Variants in MYO7A observed in about 807,000 individuals in gnomAD.
The protein encoded by MYO7A is myosin VIIA, also known as unconventional myosin-VIIa.
In MYO7A, 210 loss-of-function variants were observed where a neutral mutation model predicts 263.8. The ratio of observed to expected loss-of-function variants is 0.80; its 90% CI spans 0.71 to 0.89. MYO7A has a LOEUF of 0.89. Among genes scored for constraint, MYO7A ranks in the 40% least tolerant of loss-of-function variants. The pLI, the probability that MYO7A is intolerant of heterozygous loss-of-function variation, is 0.00. For missense variants in MYO7A, 2,820 were observed against 2,968.3 expected (o/e 0.95, Z 1.16); for synonymous variants, 1,239 against 1,197.3 (o/e 1.03, Z -0.72).
intron 3 of MYO7A, among the ~76,000 whole-genome samples, chr11:77,146,180 G>A (rs955000604): frequency 2.0e-5 from 3 of 152,214 alleles, no homozygotes; most frequent in Non-Finnish European, 2.9e-5. Flanking sequence ...ACAGTGGAGC[G>A]AAGTCACAGA....
chr11:77,150,229 G>A (rs1185829994), intron 4 of MYO7A, among the ~76,000 whole-genome samples: 7 of 152,242 alleles, frequency 4.6e-5, no homozygotes, highest in African/African-American at 1.7e-4. Flanking sequence ...GCCCCCTGCA[G>A]ACCAGTGTCT....
intron 3 of MYO7A, among the ~76,000 whole-genome samples, chr11:77,147,155 A>T (rs1436785259): frequency 6.6e-6 from 1 of 152,036 alleles, no homozygotes; most frequent in Non-Finnish European, 1.5e-5. Context: ...CTTTCCCCTG[A>T]ACCTGCCAAG....
intron 8 of MYO7A, 64 bp downstream of exon 8, chr11:77,157,456 C>A: frequency 8.7e-7 from 1 of 1,149,656 alleles, no homozygotes. Context: ...GAGCTGGCTA[C>A]TGCAGACTCA....
At chr11:77,195,275 CCCTGCGCCAG>C (rs1956557211) in intron 32 of MYO7A, among the ~76,000 whole-genome samples, 1 of 152,102 alleles carries the variant, frequency 6.6e-6, no homozygotes, top group Admixed American at 6.5e-5. Context: ...CCTGAGTGCT[CCCTGCGCCAG>C]CCTGCTTCCC....
chr11:77,192,290 G>A lies in MYO7A; in HGVS notation c.4152+12G>A. The stretch of plus-strand genomic sequence containing the variant: ...ACAGGTGTGAGAAGGTGAGTGGGAG[G>A]GAATCTTCCGCCAGGCTGGCTTGGC... On this transcript the variant is annotated intron_variant, in intron 31 of 48. Coordinates refer to ENST00000409709, the MANE Select transcript of MYO7A (RefSeq NM_000260.4). 1 of 1,611,274 alleles carries A rather than the reference G, an allele frequency of 6.2e-7. No homozygotes were observed. Among genetic ancestry groups the A allele is most frequent in the East Asian group, 2.2e-5 (1 of 44,840 alleles).
Position 77,208,528 on chromosome 11 carries a change from C to A in MYO7A, c.5944+11C>A. The A allele has an allele frequency of 6.2e-7, 1 of 1,609,294 alleles. No homozygotes were observed. The highest frequency in any genetic ancestry group is 8.5e-7 in the Non-Finnish European group (1 of 1,177,290). ...GGCCCATCAAGGACGGTAATGAGGC[C>A]GGGTCCTGGGATCATCTGAGGCCCA... is the stretch of plus-strand genomic sequence containing the variant. On this transcript the variant is annotated intron_variant, in intron 43 of 48. Transcript: ENST00000409709.
At chr11:77,193,796 G>C (rs1476999131) in intron 31 of MYO7A, among the ~76,000 whole-genome samples, 1 of 152,196 alleles carries the variant, frequency 6.6e-6, no homozygotes, top group Non-Finnish European at 1.5e-5. Context: ...GCCAGGCAGA[G>C]AAGGGGCAAA....
chr11:77,190,958 C>A, intron 30 of MYO7A, 88 bp downstream of exon 30: 2 of 1,379,692 alleles, frequency 1.4e-6, no homozygotes, highest in Non-Finnish European at 9.8e-7. Flanking sequence ...CTTGCCGGGG[C>A]TATTCACCCT....
At chr11:77,198,671 G>T in intron 34 of MYO7A, 50 bp downstream of exon 34, 1 of 1,609,478 alleles carries the variant, frequency 6.2e-7, no homozygotes. Context: ...AAGGAGAGGG[G>T]CTGGAGCTTC....
Position 77,212,957 on chromosome 11 carries a change from T to A in MYO7A, c.6360T>A (p.Thr2120=), listed in dbSNP as rs781141265. The A allele has an allele frequency of 1.3e-6, 2 of 1,592,640 alleles. No individual in the cohort carries two copies. Among genetic ancestry groups the A allele is most frequent in the Non-Finnish European group, 1.7e-6 (2 of 1,169,012 alleles). ...CTTCTCATCTTTTTTTCTAGCAAAC[T>A]ACGGAGCCAAACTTCCCTGAGATCC... The part of the protein sequence containing the change: ...FGSAFFEVKQ[T]TEPNFPEILL... Residue 2120 remains threonine (T), a synonymous_variant, in exon 47 of 49, where the codon ACT becomes ACA. Transcript: ENST00000409709.
rs780220220 is a variant in MYO7A at position 77,213,998 on chromosome 11, G to C, written c.6558+19G>C. The C allele has an allele frequency of 6.2e-6, 10 of 1,613,238 alleles. No individual in the cohort carries two copies. Among genetic ancestry groups the C allele is most frequent in the Non-Finnish European group, 7.6e-6 (9 of 1,179,374 alleles). On this transcript the variant is annotated intron_variant, in intron 48 of 48. Transcript: ENST00000409709. ...GTCACTGGTGAGGGCGCATCCTGCT[G>C]GGCCTAGTGGGCTCCCTGCCTTGCC...
rs1475288967 is a variant in MYO7A at position 77,193,082 on chromosome 11, GTTT to G, written c.4152+805_4152+807del. Among the ~76,000 whole-genome samples the G allele has an allele frequency of 2.0e-4, 9 of 44,294 alleles. 2 individuals carry two copies. Among genetic ancestry groups the G allele is most frequent in the Non-Finnish European group, 4.3e-4 (9 of 20,722 alleles). 29.1% of individuals were successfully genotyped at this position (44,294 alleles called of 152,430 possible). Reference sequence around the variant, plus strand: ...GGTGTTGGTGATGGTGGAGGTAGTTGTTTGTGATGGTGGAGGTAGTGATGCTGT... The same window carrying G: ...GGTGTTGGTGATGGTGGAGGTAGTTGGTGATGGTGGAGGTAGTGATGCTGT... On this transcript the variant is annotated intron_variant, in intron 31 of 48. Transcript: ENST00000409709.
Position 77,214,868 on chromosome 11 carries a change from A to G in MYO7A, c.*172A>G, listed in dbSNP as rs1311657300. On this transcript the variant is annotated 3_prime_UTR_variant, in exon 49 of 49. Transcript: ENST00000409709. ...GCCTCTGATGTTCTTCCAGTGAGGC[A>G]TCTCTCTGGGATGCAGAACTTCCCT... is the stretch of plus-strand genomic sequence containing the variant. The G allele has an allele frequency of 1.7e-6, 1 of 591,320 alleles. No individual in the cohort carries two copies. The highest frequency in any genetic ancestry group is 2.8e-5 in the East Asian group (1 of 35,290). The allele number at this position is 591,320 out of a possible 1,614,324, so 36.6% of individuals were successfully genotyped here.
rs782579798 is a variant in MYO7A, at chr11:77,156,672, G to C, written c.483G>C (p.Gly161=). ...CCTCCCTCTGCAGTGGGGAATCTGGGGCCGGGAAGACGGAGAGCACAAAGC... is the reference window on the plus strand; with the variant it reads ...CCTCCCTCTGCAGTGGGGAATCTGGCGCCGGGAAGACGGAGAGCACAAAGC... The part of the protein sequence containing the change: ...DQCCIISGES[G]AGKTESTKLI... The change falls in exon 6 of 49, where the codon GGG becomes GGC. Residue 161 remains glycine, a synonymous_variant. Transcript: ENST00000409709. The C allele has an allele frequency of 1.2e-6, 2 of 1,613,920 alleles. No individual in the cohort carries two copies. The highest frequency in any genetic ancestry group is 3.3e-5 in the Admixed American group (2 of 60,026).
chr11:77,203,880 G>C (rs1229348176), intron 38 of MYO7A, among the ~76,000 whole-genome samples, 196 bp from the exon 39 acceptor site: 2 of 152,192 alleles, frequency 1.3e-5, no homozygotes, highest in Non-Finnish European at 2.9e-5. Context: ...GCTGCTGTGA[G>C]GGCTTGGGAT....
At chr11:77,175,242 C>T in intron 17 of MYO7A, 130 bp from the exon 18 acceptor site, 1 of 823,818 alleles carries the variant, frequency 1.2e-6, no homozygotes, top group East Asian at 2.5e-5. Context: ...AGGCAGGACC[C>T]AGCTGAGGTC....
At position 77,182,133 on chromosome 11, in the gene MYO7A, T is replaced by C. The variant is rs782555152; in HGVS notation, c.3087T>C (p.His1029=). The C allele has an allele frequency of 5.6e-6, 9 of 1,613,316 alleles. No homozygotes were observed. Among genetic ancestry groups the C allele is most frequent in the Admixed American group, 1.7e-5 (1 of 60,022 alleles). The change falls in exon 24 of 49, where the codon CAT becomes CAC. Residue 1029 remains histidine (H), a synonymous_variant. Coordinates refer to ENST00000409709, the MANE Select transcript of MYO7A (RefSeq NM_000260.4). Reference sequence around the variant, plus strand: ...CACTCAAACAGCCACTGCTCTACCATGACGACGAGGGTGACCAGCTGGTAA... The same window carrying C: ...CACTCAAACAGCCACTGCTCTACCACGACGACGAGGGTGACCAGCTGGTAA... ...RRPLKQPLLY[H]DDEGDQLAAL...
intron 18 of MYO7A, among the ~76,000 whole-genome samples, chr11:77,176,460 A>G (rs2135439343): frequency 6.6e-6 from 1 of 152,336 alleles, no homozygotes; most frequent in East Asian, 1.9e-4. Flanking sequence ...TCACAGGCTC[A>G]GAGAGAAGTG....
intron 46 of MYO7A, chr11:77,212,479 A>T (rs1957952891): frequency 5.7e-6 from 2 of 350,390 alleles, no homozygotes; most frequent in Non-Finnish European, 5.6e-6. Context: ...CCTGCCTTGG[A>T]GGGTTTTGAA....
Sources: allele counts gnomAD v4.1 joint callset (sites outside exome capture counted in the v4.1 genomes callset), GRCh38; gene constraint gnomAD v4.1.1; transcripts MANE v1.5; gene names NCBI Gene and HGNC (gene_info 2026-07-23, HGNC 2026-07-21).